ADAMTS20: variants seen among roughly 807,000 people sequenced by gnomAD.
The protein encoded by ADAMTS20 is A disintegrin and metalloproteinase with thrombospondin motifs 20.
Under a neutral mutation model 260.1 loss-of-function variants are expected in ADAMTS20, and 225 were observed. That is an observed-to-expected ratio of 0.87 (90% CI 0.78 to 0.97). ADAMTS20 has a LOEUF of 0.97. Ranked by LOEUF, ADAMTS20 falls within the 50% of genes least tolerant of loss-of-function variation. The pLI is 0.00. For missense variants in ADAMTS20, 2,400 were observed against 2,337.7 expected, an observed-to-expected ratio of 1.03 and a Z score of -0.55; for synonymous variants, 802 against 769.5, an observed-to-expected ratio of 1.04 and a Z score of -0.70.
intron 28 of ADAMTS20, among the ~76,000 whole-genome samples, chr12:43,420,952 C>T (rs950024954): frequency 6.6e-6 from 1 of 151,224 alleles, no homozygotes; most frequent in African/African-American, 2.4e-5. Context: ...GGATTACAGG[C>T]GCATGCCACC....
intron 37 of ADAMTS20, among the ~76,000 whole-genome samples, chr12:43,366,060 A>T (rs1377018227): frequency 6.6e-6 from 1 of 151,924 alleles, no homozygotes; most frequent in Non-Finnish European, 1.5e-5. Context: ...ATGTTAAAAA[A>T]ATCCAATCAA....
At chr12:43,430,579 T>C (rs1437002510) in intron 22 of ADAMTS20, 108 bp from the exon 23 acceptor site, 5 of 1,055,550 alleles carry the variant, frequency 4.7e-6, no homozygotes, top group Middle Eastern at 3.2e-4. Context: ...ATAATCTTTT[T>C]ATCAATCCTT....
chr12:43,435,138 A>G (rs939157682), intron 18 of ADAMTS20, among the ~76,000 whole-genome samples: 4 of 152,242 alleles, frequency 2.6e-5, no homozygotes, highest in Admixed American at 2.6e-4. Flanking sequence ...AGAATTTACA[A>G]CACAAATAGT....
At position 43,537,828 on chromosome 12, in the gene ADAMTS20, T is replaced by G. The variant is rs190342397; in HGVS notation, c.454-5633A>C. Among the ~76,000 whole-genome samples the G allele has an allele frequency of 1.8e-3, 281 of 152,306 alleles. 1 individual carries two copies. The highest frequency in any genetic ancestry group is 6.5e-3 in the African/African-American group (270 of 41,554). ...TAATGATCTCTAATTCCATCCCCAT[T>G]GTTAGAAATGACTAGATCTCATTCT... On this transcript the variant is annotated intron_variant, in intron 2 of 38. Transcript: ENST00000389420.
intron 2 of ADAMTS20, among the ~76,000 whole-genome samples, chr12:43,534,381 C>A (rs928602582): frequency 3.3e-5 from 5 of 152,150 alleles, no homozygotes; most frequent in South Asian, 2.1e-4. Context: ...GAAAATATGT[C>A]AGTACAATCA....
At position 43,443,848 on chromosome 12, in the gene ADAMTS20, T is replaced by C. The variant is rs374148397; in HGVS notation, c.2233A>G (p.Thr745Ala). 9.7e-5 allele frequency: 156 copies of C among 1,613,428 alleles called. No individual in the cohort carries two copies. Among genetic ancestry groups the C allele is most frequent in the Non-Finnish European group, 1.2e-4 (146 of 1,179,492 alleles). The change falls in exon 16 of 39, where the codon ACA becomes GCA. Residue 745 changes from threonine to alanine, a missense_variant. Coordinates refer to ENST00000389420, the MANE Select transcript of ADAMTS20 (RefSeq NM_025003.5). ...NVVVKIPAGA[T>A]NVDIRQYSYS... ...CTGTACTGACGAATGTCAACGTTTG[T>C]TGCTCCTGCGGGAATCTTTACAACA...
chr12:43,432,912 T>C (rs970804782), intron 19 of ADAMTS20, 101 bp from the exon 20 acceptor site: 14 of 1,081,238 alleles, frequency 1.3e-5, no homozygotes, highest in Middle Eastern at 2.6e-4. Flanking sequence ...TAAAAGTTGA[T>C]AGACAAACCA....
chr12:43,531,252 T>C (rs1301006176), intron 3 of ADAMTS20, among the ~76,000 whole-genome samples: 2 of 152,098 alleles, frequency 1.3e-5, no homozygotes, highest in Non-Finnish European at 2.9e-5. Flanking sequence ...TTCCAATTTA[T>C]ATAAAGTTAA....
intron 2 of ADAMTS20, among the ~76,000 whole-genome samples, chr12:43,545,594 G>A (rs1449784969): frequency 3.9e-5 from 6 of 152,078 alleles, no homozygotes; most frequent in Admixed American, 6.6e-5. Flanking sequence ...TTTGCACCCT[G>A]GCCATAGCTC....
intron 35 of ADAMTS20, 116 bp downstream of exon 35, chr12:43,375,941 C>T (rs1028825828): frequency 1.3e-6 from 1 of 755,890 alleles, no homozygotes; most frequent in Non-Finnish European, 2.1e-6. Flanking sequence ...TGTCTACCTG[C>T]TCCTACATTA....
intron 3 of ADAMTS20, among the ~76,000 whole-genome samples, chr12:43,530,020 T>G (rs780482303): frequency 2.6e-4 from 39 of 152,248 alleles, no homozygotes; most frequent in Non-Finnish European, 4.3e-4. Flanking sequence ...TTGGAGGCAA[T>G]TTAAGACTTG....
intron 19 of ADAMTS20, among the ~76,000 whole-genome samples, chr12:43,433,112 T>A (rs1483324015): frequency 6.6e-6 from 1 of 152,160 alleles, no homozygotes; most frequent in Non-Finnish European, 1.5e-5. Context: ...ACTGAACATA[T>A]CTGACTGCCA....
rs1175546322 is a variant in ADAMTS20, at chr12:43,375,525, T to C, written c.5313-13A>G. ...TGGATTTTTTAGTCTGTAACAACAT[T>C]GGGATATTTTAGTATTAGATGCAGT... On this transcript the variant is annotated splice_polypyrimidine_tract_variant and intron_variant, in intron 35 of 38. Transcript: ENST00000389420. 3 of 1,612,090 alleles carry C rather than the reference T, an allele frequency of 1.9e-6. No homozygotes were observed. The highest frequency in any genetic ancestry group is 2.2e-5 in the East Asian group (1 of 44,814).
intron 18 of ADAMTS20, 128 bp from the exon 19 acceptor site, chr12:43,434,499 C>A: frequency 1.2e-6 from 1 of 816,470 alleles, no homozygotes; most frequent in South Asian, 1.9e-5. Flanking sequence ...ATGCAACATA[C>A]AGGATATACT....
chr12:43,369,742 A>G (rs1057327937), intron 36 of ADAMTS20, among the ~76,000 whole-genome samples: 2 of 152,292 alleles, frequency 1.3e-5, no homozygotes, highest in East Asian at 1.9e-4. Flanking sequence ...GGTTATGTAA[A>G]CATAAATGAC....
At chr12:43,370,436 T>C (rs940860570) in intron 36 of ADAMTS20, among the ~76,000 whole-genome samples, 8 of 152,232 alleles carry the variant, frequency 5.3e-5, no homozygotes, top group African/African-American at 1.4e-4. Flanking sequence ...GTCATTCATC[T>C]GCACACCACT....
intron 28 of ADAMTS20, among the ~76,000 whole-genome samples, chr12:43,420,964 C>T (rs1328606666): frequency 2.0e-5 from 3 of 151,226 alleles, no homozygotes; most frequent in Non-Finnish European, 4.4e-5. Flanking sequence ...CATGCCACCA[C>T]GCCCAGGTAA....
At chr12:43,485,225 CA>C (rs1942505629) in intron 7 of ADAMTS20, among the ~76,000 whole-genome samples, 1 of 151,870 alleles carries the variant, frequency 6.6e-6, no homozygotes, top group African/African-American at 2.4e-5. Context: ...CATAATTCAC[CA>C]TGATCAAAGA....
At chr12:43,516,789 A>T (rs2137473561) in intron 3 of ADAMTS20, among the ~76,000 whole-genome samples, 1 of 152,210 alleles carries the variant, frequency 6.6e-6, no homozygotes, top group Middle Eastern at 3.4e-3. Context: ...TTAAAGTATA[A>T]TTAAAAAAAA....
Sources: allele counts gnomAD v4.1 joint callset (sites outside exome capture counted in the v4.1 genomes callset), GRCh38; gene constraint gnomAD v4.1.1; transcripts MANE v1.5; gene names NCBI Gene and HGNC (gene_info 2026-07-23, HGNC 2026-07-21).